COL24A1: variants seen among roughly 807,000 people sequenced by gnomAD.
The protein encoded by COL24A1 is collagen alpha-1(XXIV) chain.
COL24A1 carries 224 observed loss-of-function variants against 253.9 expected under a neutral mutation model. The ratio of observed to expected loss-of-function variants is 0.88; its 90% confidence interval spans 0.79 to 0.99. The LOEUF is 0.99. Among genes scored for constraint, COL24A1 ranks in the 50% least tolerant of loss-of-function variants. The pLI is 0.00. For synonymous variants in COL24A1, 685 were observed against 673.7 expected, an observed-to-expected ratio of 1.02 and a Z score of -0.26; for missense variants, 2,131 against 2,068.5, an observed-to-expected ratio of 1.03 and a Z score of -0.59.
At chr1:85,737,306 A>G (rs1664155280) in intron 58 of COL24A1, 90 bp downstream of exon 58, 1 of 718,944 alleles carries the variant, frequency 1.4e-6, no homozygotes, top group Admixed American at 3.3e-5. Context: ...CTTAAAATTC[A>G]TAATTATTTA....
chr1:85,736,230 A>T (rs569702633), intron 58 of COL24A1: 1 of 448,654 alleles, frequency 2.2e-6, no homozygotes, highest in African/African-American at 2.0e-5. Flanking sequence ...CTAGAACCCC[A>T]GTCCCTGATT....
At chr1:86,023,960 GGAAC>G (rs1697788224) in intron 14 of COL24A1, among the ~76,000 whole-genome samples, 2 of 151,886 alleles carry the variant, frequency 1.3e-5, no homozygotes, top group Non-Finnish European at 2.9e-5. Context: ...TAAATATTAA[GGAAC>G]TCTTAAAGTT....
In COL24A1 at chr1:86,125,918, T is replaced by A; in HGVS notation, c.418A>T (p.Lys140Ter). The stretch of plus-strand genomic sequence containing the variant: ...CCTCTAATGTGTACTACTAATTTTT[T>A]AGGTAGTAATTGTACTCCTAATTGC... Reference protein sequence around the residue: ...RLQLGVQLLPKKLVVHIRGKQ... With the variant: ...RLQLGVQLLP The change falls in exon 3 of 60, where the codon AAA (lysine) becomes TAA (stop). Residue 140 changes from lysine to a stop codon, truncating the protein, a stop_gained. Coordinates refer to ENST00000370571, the MANE Select transcript of COL24A1 (RefSeq NM_152890.7). LOFTEE classifies it high-confidence loss of function. The A allele has an allele frequency of 1.2e-6, 2 of 1,613,412 alleles. No homozygotes were observed. Among genetic ancestry groups the A allele is most frequent in the Non-Finnish European group, 1.7e-6 (2 of 1,179,704 alleles).
At chr1:85,983,227 G>T (rs1269300451) in intron 20 of COL24A1, among the ~76,000 whole-genome samples, 1 of 151,940 alleles carries the variant, frequency 6.6e-6, no homozygotes, top group Non-Finnish European at 1.5e-5. Context: ...GTTTACTGGA[G>T]AATAGAGAAT....
chr1:85,906,986 T>G (rs1684898494), intron 28 of COL24A1, among the ~76,000 whole-genome samples: 2 of 151,870 alleles, frequency 1.3e-5, no homozygotes, highest in Non-Finnish European at 2.9e-5. Flanking sequence ...AAAATTAAAA[T>G]GGAAAAATGT....
At chr1:86,097,306 C>T (rs748193228) in intron 5 of COL24A1, among the ~76,000 whole-genome samples, 15 of 152,150 alleles carry the variant, frequency 9.9e-5, no homozygotes, top group Non-Finnish European at 2.1e-4. Flanking sequence ...CTACCACTAT[C>T]CTACTTCACT....
At chr1:85,970,152 A>G in intron 22 of COL24A1, 75 bp downstream of exon 22, 2 of 1,281,834 alleles carry the variant, frequency 1.6e-6, no homozygotes, top group African/African-American at 3.0e-5. Context: ...GTAAAATGTT[A>G]TGATGTTAAA....
chr1:85,869,162 A>G, intron 35 of COL24A1, among the ~76,000 whole-genome samples: 1 of 152,176 alleles, frequency 6.6e-6, no homozygotes, highest in East Asian at 1.9e-4. Context: ...TCTGAGTTCA[A>G]GAAATGTAAA....
chr1:85,808,505 C>CA (rs1376947993), intron 47 of COL24A1, among the ~76,000 whole-genome samples: 1 of 152,166 alleles, frequency 6.6e-6, no homozygotes, highest in Non-Finnish European at 1.5e-5. Flanking sequence ...CTTCATGTGG[C>CA]AGGAAAAGCA....
At chr1:86,043,431 C>A (rs1041001192) in intron 12 of COL24A1, among the ~76,000 whole-genome samples, 1 of 152,110 alleles carries the variant, frequency 6.6e-6, no homozygotes, top group Admixed American at 6.5e-5. Flanking sequence ...AGTACATCTT[C>A]TAATACGATT....
intron 45 of COL24A1, among the ~76,000 whole-genome samples, chr1:85,821,775 G>T (rs2101973290): frequency 6.6e-6 from 1 of 152,282 alleles, no homozygotes; most frequent in East Asian, 1.9e-4. Context: ...GACCATGTAG[G>T]CTAGAGAGGC....
At chr1:85,776,616 C>T (rs948720636) in intron 52 of COL24A1, among the ~76,000 whole-genome samples, 29 of 151,702 alleles carry the variant, frequency 1.9e-4, no homozygotes, top group Admixed American at 3.9e-4. Flanking sequence ...ATAATCTTAC[C>T]TAGTATTTAA....
intron 24 of COL24A1, among the ~76,000 whole-genome samples, chr1:85,954,000 T>C (rs1690188670): frequency 6.6e-6 from 1 of 152,206 alleles, no homozygotes; most frequent in South Asian, 2.1e-4. Flanking sequence ...AAAAGACTGA[T>C]GCTATTGGAA....
chr1:85,850,266 A>G (rs1677611895), intron 37 of COL24A1, among the ~76,000 whole-genome samples: 1 of 152,214 alleles, frequency 6.6e-6, no homozygotes, highest in Non-Finnish European at 1.5e-5. Flanking sequence ...CATTCCCTGC[A>G]TTCGCTGGAA....
chr1:86,100,909 T>C (rs1257511109), intron 5 of COL24A1, among the ~76,000 whole-genome samples: 1 of 152,112 alleles, frequency 6.6e-6, no homozygotes, highest in Non-Finnish European at 1.5e-5. Flanking sequence ...TGTTCCTGAG[T>C]TGTATCCTTT....
chr1:85,887,586 C>T (rs1288253262), intron 32 of COL24A1, among the ~76,000 whole-genome samples: 2 of 151,914 alleles, frequency 1.3e-5, no homozygotes, highest in Admixed American at 6.6e-5. Flanking sequence ...GCCATCCATA[C>T]ATAAGGGAAT....
chr1:86,034,782 C>T (rs1055236534), intron 12 of COL24A1, among the ~76,000 whole-genome samples: 15 of 151,970 alleles, frequency 9.9e-5, no homozygotes, highest in Admixed American at 6.6e-4. Context: ...AATAACTCAA[C>T]GCTCAGCTAC....
chr1:85,866,363 T>C (rs908719362), intron 37 of COL24A1, among the ~76,000 whole-genome samples: 24 of 152,258 alleles, frequency 1.6e-4, no homozygotes, highest in African/African-American at 5.5e-4. Flanking sequence ...TAGCTTTTTC[T>C]AAGTTTTTTC....
intron 57 of COL24A1, among the ~76,000 whole-genome samples, chr1:85,742,451 T>A (rs957043782): frequency 6.6e-6 from 1 of 152,154 alleles, no homozygotes; most frequent in Non-Finnish European, 1.5e-5. Flanking sequence ...TTTCTTCCTT[T>A]ACTTACTATC....
Sources: allele counts gnomAD v4.1 joint callset (sites outside exome capture counted in the v4.1 genomes callset), GRCh38; gene constraint gnomAD v4.1.1; transcripts MANE v1.5; gene names NCBI Gene and HGNC (gene_info 2026-07-23, HGNC 2026-07-21).